MARCHF1: variants seen among roughly 807,000 people sequenced by gnomAD.
MARCHF1 encodes the protein membrane associated ring-CH-type finger 1, also known as E3 ubiquitin-protein ligase MARCHF1.
Under a neutral mutation model 54.2 loss-of-function variants are expected in MARCHF1, and 40 were observed. The observed-to-expected ratio is 0.74, with a 90% CI of 0.57 to 0.96. MARCHF1 has a LOEUF of 0.96. Ranked by LOEUF, MARCHF1 falls within the 40% of genes least tolerant of loss-of-function variation. The pLI, the probability that MARCHF1 is intolerant of heterozygous loss-of-function variation, is 0.00. For synonymous variants in MARCHF1, 236 were observed against 236.3 expected (o/e 1.00, Z 0.01); for missense variants, 586 against 656.5 (o/e 0.89, Z 1.17).
At chr4:164,141,636 G>C (rs560575464) in intron 1 of MARCHF1, among the ~76,000 whole-genome samples, 2 of 152,222 alleles carry the variant, frequency 1.3e-5, no homozygotes, top group Admixed American at 6.5e-5. Context: ...CGGTGCGCAA[G>C]CTTTGGGGAA....
intron 5 of MARCHF1, among the ~76,000 whole-genome samples, chr4:163,627,424 C>G (rs572054230): frequency 6.6e-6 from 1 of 152,162 alleles, no homozygotes; most frequent in East Asian, 1.9e-4. Flanking sequence ...TCATATATAC[C>G]CTATTCTTGC....
intron 3 of MARCHF1, among the ~76,000 whole-genome samples, chr4:163,883,224 T>C (rs12647591): frequency 0.047 from 6,609 of 139,704 alleles, 257 homozygotes; most frequent in East Asian, 0.19. Flanking sequence ...TTGAGATATA[T>C]ATATATGTGT....
At chr4:163,638,355 G>A (rs150867298) in intron 5 of MARCHF1, among the ~76,000 whole-genome samples, 250 of 152,050 alleles carry the variant, frequency 1.6e-3, no homozygotes, top group African/African-American at 5.6e-3. Flanking sequence ...TAGTCCCATC[G>A]TCTTGGTGAT....
At chr4:163,830,003 A>T (rs1458521929) in intron 4 of MARCHF1, among the ~76,000 whole-genome samples, 1 of 152,150 alleles carries the variant, frequency 6.6e-6, no homozygotes, top group Non-Finnish European at 1.5e-5. Context: ...TATTGTGTAT[A>T]CCCTGGAGCA....
chr4:164,241,994 C>T (rs1560969683), intron 1 of MARCHF1, among the ~76,000 whole-genome samples: 1 of 152,242 alleles, frequency 6.6e-6, no homozygotes, highest in Non-Finnish European at 1.5e-5. Context: ...CGGAGACTCA[C>T]TGATTGCTAG....
At chr4:164,079,638 G>A (rs1489616236) in intron 2 of MARCHF1, among the ~76,000 whole-genome samples, 1 of 151,972 alleles carries the variant, frequency 6.6e-6, no homozygotes, top group Non-Finnish European at 1.5e-5. Context: ...GAATAATCTA[G>A]TCTAGAAGTT....
chr4:164,006,990 G>GAAA (rs57195057), intron 2 of MARCHF1, among the ~76,000 whole-genome samples: 2 of 23,190 alleles, frequency 8.6e-5, no homozygotes, highest in African/African-American at 2.3e-4. Context: ...TCTGAAATCT[G>GAAA]AAAAAAAAAA....
intron 4 of MARCHF1, among the ~76,000 whole-genome samples, chr4:163,814,552 C>G (rs1024753301): frequency 2.0e-5 from 3 of 152,130 alleles, no homozygotes; most frequent in Admixed American, 6.6e-5. Flanking sequence ...CCATTGCACT[C>G]TAGCCTGGGC....
At chr4:164,073,721 A>T (rs1049968029) in intron 2 of MARCHF1, among the ~76,000 whole-genome samples, 3 of 152,190 alleles carry the variant, frequency 2.0e-5, no homozygotes, top group South Asian at 2.1e-4. Flanking sequence ...TCCTATAGGA[A>T]ATTAACCACC....
intron 7 of MARCHF1, among the ~76,000 whole-genome samples, chr4:163,608,592 T>C (rs1330786592): frequency 6.6e-6 from 1 of 152,082 alleles, no homozygotes; most frequent in Non-Finnish European, 1.5e-5. Flanking sequence ...CAAATACTTT[T>C]CCACTGCACT....
intron 7 of MARCHF1, among the ~76,000 whole-genome samples, chr4:163,597,025 G>A (rs768154662): frequency 2.0e-5 from 3 of 151,982 alleles, no homozygotes; most frequent in Non-Finnish European, 2.9e-5. Flanking sequence ...GTGCAATCTC[G>A]GCTCACTGCA....
At chr4:163,683,889 G>GCTCA (rs3080980) in intron 5 of MARCHF1, among the ~76,000 whole-genome samples, 21,924 of 148,932 alleles carry the variant, frequency 0.15, 1,853 homozygotes, top group Non-Finnish European at 0.2. Context: ...TCATGTGGAG[G>GCTCA]CTCACTCACT....
At chr4:164,237,440 T>C (rs1051573315) in intron 1 of MARCHF1, among the ~76,000 whole-genome samples, 16 of 152,080 alleles carry the variant, frequency 1.1e-4, no homozygotes, top group African/African-American at 3.4e-4. Flanking sequence ...ATCCTTTCTC[T>C]ACTTACCTAT....
At chr4:163,955,952 G>A (rs189950143) in intron 3 of MARCHF1, among the ~76,000 whole-genome samples, 45 of 152,222 alleles carry the variant, frequency 3.0e-4, no homozygotes, top group African/African-American at 1.0e-3. Flanking sequence ...GATATGACAA[G>A]TAAATGCAAT....
At chr4:163,733,227 G>GTATATATATA (rs1241873225) in intron 4 of MARCHF1, among the ~76,000 whole-genome samples, 15 of 13,830 alleles carry the variant, frequency 1.1e-3, no homozygotes, top group Non-Finnish European at 1.7e-3. Context: ...ATATACACGT[G>GTATATATATA]TATATATATA....
At chr4:164,060,192 T>G (rs2111065703) in intron 2 of MARCHF1, among the ~76,000 whole-genome samples, 1 of 152,224 alleles carries the variant, frequency 6.6e-6, no homozygotes, top group South Asian at 2.1e-4. Flanking sequence ...TATCCATATT[T>G]TCTCAAATTT....
rs1738155304 is a variant in MARCHF1, at chr4:163,527,476, C to T, written c.*1272G>A. The T allele has an allele frequency of 6.6e-6, 1 of 151,374 alleles. No individual in the cohort carries two copies. Among genetic ancestry groups the T allele is most frequent in the Admixed American group, 6.6e-5 (1 of 15,122 alleles). 9.4% of individuals were successfully genotyped at this position (151,374 alleles called of 1,614,324 possible). A position where few individuals can be genotyped will look rare whatever the true frequency, so the allele number is the denominator to read the frequency against. ...TTTTATTCCCCTATTGTAAGTACTT[C>T]ATAGTAACAATTTATTTATTTCACA... On this transcript the variant is annotated 3_prime_UTR_variant, in exon 10 of 10. Transcript: ENST00000514618.
At chr4:164,304,713 C>T (rs1261611953) in intron 1 of MARCHF1, among the ~76,000 whole-genome samples, 1 of 152,112 alleles carries the variant, frequency 6.6e-6, no homozygotes, top group East Asian at 1.9e-4. Context: ...TCAATGCTTT[C>T]TGGTAACTTA....
intron 1 of MARCHF1, among the ~76,000 whole-genome samples, chr4:164,167,050 A>G (rs925478972): frequency 1.3e-5 from 2 of 151,578 alleles, no homozygotes; most frequent in African/African-American, 4.8e-5. Context: ...AATATTATCA[A>G]TAAGTGTTTT....
Sources: gnomAD v4.1 joint callset for allele counts (sites outside exome capture counted in the v4.1 genomes callset) on GRCh38, gnomAD v4.1.1 for gene constraint, MANE v1.5 for transcripts, NCBI Gene and HGNC (gene_info 2026-07-23, HGNC 2026-07-21) for gene names.